PCED1B: variants seen among roughly 807,000 people sequenced by gnomAD.
The protein encoded by PCED1B is PC-esterase domain-containing protein 1B.
For synonymous variants in PCED1B, 251 were observed against 246.1 expected, an observed-to-expected ratio of 1.02 and a Z score of -0.19; for missense variants, 573 against 573.9, an observed-to-expected ratio of 1.00 and a Z score of 0.02.
chr12:47,189,715 T>C (rs1399923360), intron 2 of PCED1B, among the ~76,000 whole-genome samples: 1 of 152,216 alleles, frequency 6.6e-6, no homozygotes, highest in Non-Finnish European at 1.5e-5. Flanking sequence ...CATCTCACAC[T>C]TGTCTTCATT....
At chr12:47,176,480 G>A (rs1941927918) in intron 2 of PCED1B, among the ~76,000 whole-genome samples, 1 of 152,154 alleles carries the variant, frequency 6.6e-6, no homozygotes, top group African/African-American at 2.4e-5. Flanking sequence ...AGAGACCTTC[G>A]GGTTGCTGAA....
intron 2 of PCED1B, among the ~76,000 whole-genome samples, chr12:47,124,692 TG>T (rs1230562982): frequency 1.3e-5 from 2 of 152,020 alleles, no homozygotes; most frequent in East Asian, 1.9e-4. Flanking sequence ...GCACTTGTTA[TG>T]ATCAGTCTTT....
intron 2 of PCED1B, among the ~76,000 whole-genome samples, chr12:47,129,109 G>A (rs1002214207): frequency 6.6e-6 from 1 of 152,100 alleles, no homozygotes; most frequent in Non-Finnish European, 1.5e-5. Flanking sequence ...TTGCCTACCA[G>A]CCTTCTGCTT....
At chr12:47,105,323 CA>C (rs1938898218) in intron 2 of PCED1B, among the ~76,000 whole-genome samples, 1 of 152,152 alleles carries the variant, frequency 6.6e-6, no homozygotes, top group African/African-American at 2.4e-5. Context: ...CAGGCTGAAA[CA>C]GGCTGTGTAA....
intron 2 of PCED1B, among the ~76,000 whole-genome samples, chr12:47,124,171 C>A (rs1006884427): frequency 3.3e-5 from 5 of 151,982 alleles, no homozygotes; most frequent in African/African-American, 1.2e-4. Flanking sequence ...CCCTAACAGT[C>A]CCTCCTTGCT....
At chr12:47,182,228 G>A (rs1311474604) in intron 2 of PCED1B, among the ~76,000 whole-genome samples, 1 of 152,180 alleles carries the variant, frequency 6.6e-6, no homozygotes, top group South Asian at 2.1e-4. Context: ...ATAAGAAAGA[G>A]AGAGGACCTA....
At chr12:47,228,115 C>A (rs1251348262) in intron 3 of PCED1B, among the ~76,000 whole-genome samples, 1 of 151,408 alleles carries the variant, frequency 6.6e-6, no homozygotes, top group African/African-American at 2.4e-5. Context: ...CTCGCTGCAA[C>A]CTCCTCCTTT....
At chr12:47,193,484 C>G (rs1243498496) in intron 2 of PCED1B, among the ~76,000 whole-genome samples, 1 of 152,130 alleles carries the variant, frequency 6.6e-6, no homozygotes, top group Non-Finnish European at 1.5e-5. Context: ...CATGGTAATT[C>G]AGATTACTGC....
chr12:47,176,179 A>G (rs935217675), intron 2 of PCED1B, among the ~76,000 whole-genome samples: 1 of 152,204 alleles, frequency 6.6e-6, no homozygotes, highest in East Asian at 1.9e-4. Context: ...TATAATAAGG[A>G]ATACATATTT....
At chr12:47,187,270 T>C (rs1043635459) in intron 2 of PCED1B, among the ~76,000 whole-genome samples, 1 of 152,162 alleles carries the variant, frequency 6.6e-6, no homozygotes, top group Non-Finnish European at 1.5e-5. Flanking sequence ...ATAGTGTTCA[T>C]AGGGAGAGAC....
intron 1 of PCED1B, among the ~76,000 whole-genome samples, chr12:47,097,801 A>T (rs1301695979): frequency 6.6e-6 from 1 of 152,188 alleles, no homozygotes; most frequent in Non-Finnish European, 1.5e-5. Context: ...AAAGTACCTT[A>T]GTCCCCAGCA....
chr12:47,209,669 C>T, intron 2 of PCED1B: 1 of 152,256 alleles, frequency 6.6e-6, no homozygotes, highest in South Asian at 2.1e-4. Flanking sequence ...CAAAGGGAAT[C>T]CAGATGCCTT....
intron 2 of PCED1B, among the ~76,000 whole-genome samples, chr12:47,113,455 G>A (rs1939285547): frequency 6.6e-6 from 1 of 152,184 alleles, no homozygotes; most frequent in African/African-American, 2.4e-5. Flanking sequence ...AGCTTGTCCA[G>A]ATCTGACTGT....
intron 2 of PCED1B, among the ~76,000 whole-genome samples, chr12:47,175,616 C>G (rs529121313): frequency 1.3e-5 from 2 of 152,144 alleles, no homozygotes; most frequent in African/African-American, 4.8e-5. Context: ...TCTTGTTGCC[C>G]AGGCTGGAGT....
At position 47,082,629 on chromosome 12, in the gene PCED1B, T is replaced by C. The variant is rs574557738; in HGVS notation, c.-609+2904T>C. ...CTTTATTATATGCCAGACACTGAGCTATGCGTTTTACATGCATTATTTCAT... is the reference window on the plus strand; with the variant it reads ...CTTTATTATATGCCAGACACTGAGCCATGCGTTTTACATGCATTATTTCAT... On this transcript the variant is annotated intron_variant, in intron 1 of 3. Coordinates refer to ENST00000546455, the MANE Select transcript of PCED1B (RefSeq NM_138371.3). Among the ~76,000 whole-genome samples, 6 of 152,364 alleles carry C rather than the reference T, an allele frequency of 3.9e-5. No homozygotes were observed. In the South Asian group the frequency reaches 1.2e-3, roughly 32 times the overall value.
At chr12:47,153,631 T>G (rs564552462) in intron 2 of PCED1B, among the ~76,000 whole-genome samples, 1 of 152,186 alleles carries the variant, frequency 6.6e-6, no homozygotes, top group East Asian at 1.9e-4. Context: ...TAACTAAACT[T>G]TGAACCTATT....
In PCED1B at chr12:47,235,187, C is replaced by A; in HGVS notation, c.124C>A (p.Leu42Met). Residue 42 changes from leucine to methionine, a missense_variant, in exon 4 of 4, where the codon CTG (leucine) becomes ATG (methionine). Transcript: ENST00000546455. Reference protein sequence around the residue: ...DLVLLLQKDRLLTPGQLRARG... With the variant: ...DLVLLLQKDRMLTPGQLRARG... ...GGTGCTTCTGCTGCAGAAGGACCGC[C>A]TGCTCACTCCCGGGCAGCTTAGAGC... 6.3e-7 allele frequency: 1 copy of A among 1,596,798 alleles called. No homozygotes were observed. Among genetic ancestry groups the A allele is most frequent in the Non-Finnish European group, 8.5e-7 (1 of 1,170,830 alleles).
At position 47,140,637 on chromosome 12, in the gene PCED1B, G is replaced by A. The variant is rs905057485; in HGVS notation, c.-526+36442G>A. ...AATACTAATGATTTGCTTCACTATT[G>A]AGAATTCAGTTATCTCAGAAGACAG... On this transcript the variant is annotated intron_variant, in intron 2 of 3. Coordinates refer to ENST00000546455, the MANE Select transcript of PCED1B (RefSeq NM_138371.3). Among the ~76,000 whole-genome samples the A allele has an allele frequency of 3.6e-4, 55 of 152,120 alleles. 1 individual carries two copies. Among genetic ancestry groups the A allele is most frequent in the Non-Finnish European group, 7.6e-4 (52 of 68,016 alleles).
At chr12:47,215,465 G>T (rs1943228095) in intron 2 of PCED1B, among the ~76,000 whole-genome samples, 1 of 151,868 alleles carries the variant, frequency 6.6e-6, no homozygotes, top group Non-Finnish European at 1.5e-5. Flanking sequence ...TGTTGGCCAG[G>T]CTGGTCTCGA....
Sources: allele counts gnomAD v4.1 joint callset (sites outside exome capture counted in the v4.1 genomes callset), GRCh38; gene constraint gnomAD v4.1.1; transcripts MANE v1.5; gene names NCBI Gene and HGNC (gene_info 2026-07-23, HGNC 2026-07-21).